The following VPS8 variants were observed in gnomAD, a reference collection of about 807,000 sequenced individuals.
VPS8 encodes vacuolar protein sorting-associated protein 8 homolog.
A neutral mutation model predicts 216.4 loss-of-function variants in VPS8; 129 were observed. That is an observed-to-expected ratio of 0.60 (90% CI 0.52 to 0.69). The LOEUF is 0.69. Ranked by LOEUF, VPS8 falls within the 30% of genes least tolerant of loss-of-function variation. The probability of loss-of-function intolerance (pLI) is 0.00; values close to 1 mark genes in which losing one functional copy is unlikely to be tolerated. For missense variants in VPS8, 1,531 were observed against 1,683.5 expected, an observed-to-expected ratio of 0.91 and a Z score of 1.59; for synonymous variants, 571 against 565.4, an observed-to-expected ratio of 1.01 and a Z score of -0.14.
chr3:185,019,560 A>G (rs1035034743), intron 45 of VPS8, among the ~76,000 whole-genome samples: 2 of 152,248 alleles, frequency 1.3e-5, no homozygotes, highest in Non-Finnish European at 2.9e-5. Flanking sequence ...GGGTCTGGCT[A>G]GTTATCTGCA....
At chr3:184,849,640 T>C (rs1723888004) in intron 9 of VPS8, 2 of 331,318 alleles carry the variant, frequency 6.0e-6, no homozygotes, top group South Asian at 9.8e-5. Flanking sequence ...TTCCGATACT[T>C]TTTACTAGTG....
At chr3:184,897,849 A>G (rs1232362243) in intron 23 of VPS8, among the ~76,000 whole-genome samples, 1 of 152,096 alleles carries the variant, frequency 6.6e-6, no homozygotes, top group African/African-American at 2.4e-5. Flanking sequence ...TCCTCTTCCT[A>G]AATATTTTCT....
chr3:184,900,275 G>A (rs2108981113), intron 24 of VPS8, among the ~76,000 whole-genome samples: 1 of 152,326 alleles, frequency 6.6e-6, no homozygotes, highest in South Asian at 2.1e-4. Context: ...CATACGTGCA[G>A]GAACACTCAG....
At chr3:184,812,658 C>T (rs1033042776) in intron 1 of VPS8, 4 of 152,200 alleles carry the variant, frequency 2.6e-5, no homozygotes, top group African/African-American at 9.7e-5. Flanking sequence ...TACTTTGCGA[C>T]TATAATTGCA....
At chr3:185,004,979 GTC>G (rs1177166601) in intron 45 of VPS8, among the ~76,000 whole-genome samples, 1 of 990 alleles carries the variant, frequency 1.0e-3, no homozygotes, top group Non-Finnish European at 0.021. Flanking sequence ...CTAAGCCAAT[GTC>G]TATACAAGGG....
intron 7 of VPS8, 125 bp from the exon 8 acceptor site, chr3:184,843,115 C>T: frequency 1.7e-6 from 1 of 585,884 alleles, no homozygotes; most frequent in South Asian, 4.2e-5. Flanking sequence ...TAGTATCATT[C>T]CCACAGATAA....
chr3:184,976,241 A>G (rs758515560), intron 40 of VPS8, among the ~76,000 whole-genome samples: 7 of 152,172 alleles, frequency 4.6e-5, no homozygotes, highest in Non-Finnish European at 8.8e-5. Flanking sequence ...ATGAAGGTTT[A>G]TAACACATTC....
chr3:184,862,245 A>G (rs1726519033), intron 15 of VPS8, among the ~76,000 whole-genome samples: 1 of 152,228 alleles, frequency 6.6e-6, no homozygotes, highest in Middle Eastern at 3.2e-3. Context: ...TGCCAAAAAA[A>G]AATTTGAAAA....
At chr3:184,958,778 A>G (rs115971086) in intron 37 of VPS8, among the ~76,000 whole-genome samples, 212 of 152,320 alleles carry the variant, frequency 1.4e-3, no homozygotes, top group African/African-American at 5.0e-3. Context: ...GTAAATAATA[A>G]AATCTCAAAA....
chr3:184,881,069 T>C (rs1730186641), intron 21 of VPS8, among the ~76,000 whole-genome samples: 1 of 152,186 alleles, frequency 6.6e-6, no homozygotes, highest in Non-Finnish European at 1.5e-5. Context: ...TAGTCCGTTA[T>C]TGGACTTGGT....
chr3:184,957,936 A>C (rs2109483500), intron 37 of VPS8, among the ~76,000 whole-genome samples: 1 of 152,320 alleles, frequency 6.6e-6, no homozygotes, highest in Admixed American at 6.5e-5. Context: ...CCGGGCCAAT[A>C]AGCAAGTGCT....
intron 15 of VPS8, 81 bp from the exon 16 acceptor site, chr3:184,862,816 G>C: frequency 1.4e-6 from 2 of 1,420,832 alleles, no homozygotes; most frequent in South Asian, 1.4e-5. Context: ...TAATTTAATC[G>C]AGCAGCCAAG....
intron 22 of VPS8, among the ~76,000 whole-genome samples, chr3:184,891,386 T>C (rs976104642): frequency 6.6e-6 from 1 of 152,208 alleles, no homozygotes; most frequent in Non-Finnish European, 1.5e-5. Flanking sequence ...GAACTGGATG[T>C]TTAAAATTTT....
chr3:184,928,302 A>C (rs2109214810), intron 31 of VPS8, 149 bp from the exon 32 acceptor site: 1 of 555,456 alleles, frequency 1.8e-6, no homozygotes, highest in East Asian at 3.6e-5. Flanking sequence ...TGTCAGTCTA[A>C]CCCCTTCCAT....
chr3:184,884,553 A>T (rs1730861991), intron 21 of VPS8, among the ~76,000 whole-genome samples: 1 of 152,118 alleles, frequency 6.6e-6, no homozygotes, highest in Admixed American at 6.5e-5. Flanking sequence ...GGTGAGTATA[A>T]ATTTACCCCC....
intron 39 of VPS8, among the ~76,000 whole-genome samples, chr3:184,968,475 GC>G (rs1747785679): frequency 1.3e-5 from 2 of 152,218 alleles, no homozygotes; most frequent in East Asian, 3.9e-4. Flanking sequence ...CCTAGTTGCT[GC>G]TTCATTTTAC....
At chr3:185,046,583 A>G (rs1186930898) in intron 46 of VPS8, among the ~76,000 whole-genome samples, 2 of 152,012 alleles carry the variant, frequency 1.3e-5, no homozygotes, top group Non-Finnish European at 2.9e-5. Flanking sequence ...ATGTTTCCTG[A>G]TTTCATCCCA....
Position 184,983,165 on chromosome 3 carries a change from ATTGGGC to A in VPS8, c.3585+73_3585+78del, listed in dbSNP as rs1258774098. ...TTTAGTTATATATAAATAACAGTGA[ATTGGGC>A]TAATATTTAAATGGATCTCAAGCAT... On this transcript the variant is annotated intron_variant, in intron 42 of 47. Coordinates refer to ENST00000625842, the MANE Select transcript of VPS8 (RefSeq NM_001009921.3). The A allele has an allele frequency of 1.6e-4, 206 of 1,301,890 alleles. 3 individuals carry two copies. In the South Asian group the frequency reaches 3.2e-3, roughly 20 times the overall value. The allele number at this position is 1,301,890 out of a possible 1,614,324, so 80.6% of individuals were successfully genotyped here. A position where few individuals can be genotyped will look rare whatever the true frequency, so the allele number is the denominator to read the frequency against.
At chr3:184,980,318 A>G (rs1478031926) in intron 40 of VPS8, among the ~76,000 whole-genome samples, 1 of 151,500 alleles carries the variant, frequency 6.6e-6, no homozygotes, top group African/African-American at 2.4e-5. Flanking sequence ...GCATTTCCTG[A>G]GTTTAAATGT....
Sources: gnomAD v4.1 joint callset for allele counts (sites outside exome capture counted in the v4.1 genomes callset) on GRCh38, gnomAD v4.1.1 for gene constraint, MANE v1.5 for transcripts, NCBI Gene and HGNC (gene_info 2026-07-23, HGNC 2026-07-21) for gene names.